MEI4: variants seen among roughly 807,000 people sequenced by gnomAD.
MEI4 encodes the protein meiotic double-stranded break formation protein 4.
In MEI4, 27 loss-of-function variants were observed where a neutral mutation model predicts 31.4. The ratio of observed to expected loss-of-function variants is 0.86; its 90% CI spans 0.63 to 1.19. MEI4 has a LOEUF of 1.19. MEI4 is among the 50% of genes most tolerant of loss of function. The pLI is 0.00. For missense variants in MEI4, 329 were observed against 398.9 expected (o/e 0.82, Z 1.49); for synonymous variants, 122 against 145.4 (o/e 0.84, Z 1.16).
intron 4 of MEI4, among the ~76,000 whole-genome samples, chr6:77,861,652 A>G (rs190201127): frequency 2.0e-5 from 3 of 152,286 alleles, no homozygotes; most frequent in Admixed American, 1.3e-4. Flanking sequence ...ATATTCATAC[A>G]AGTTTGAGTT....
chr6:77,743,275 T>C (rs944360066), intron 2 of MEI4, among the ~76,000 whole-genome samples: 5 of 152,166 alleles, frequency 3.3e-5, no homozygotes, highest in Non-Finnish European at 2.9e-5. Context: ...CTTCCATTTG[T>C]TTGTATCCTC....
intron 3 of MEI4, among the ~76,000 whole-genome samples, chr6:77,769,750 G>T (rs995954636): frequency 2.0e-5 from 3 of 152,130 alleles, no homozygotes; most frequent in Non-Finnish European, 4.4e-5. Context: ...CCATGGGCCA[G>T]AAGGGAACCC....
Position 77,828,980 on chromosome 6 carries a change from G to A in MEI4, c.818G>A (p.Cys273Tyr). 1 of 1,232,164 alleles carries A rather than the reference G, an allele frequency of 8.1e-7. No individual in the cohort carries two copies. Among genetic ancestry groups the A allele is most frequent in the Non-Finnish European group, 1.0e-6 (1 of 987,872 alleles). 76.3% of individuals were successfully genotyped at this position (1,232,164 alleles called of 1,614,324 possible). A position where few individuals can be genotyped will look rare whatever the true frequency, so the allele number is the denominator to read the frequency against. Residue 273 changes from cysteine (C) to tyrosine (Y), a missense_variant, in exon 4 of 5, where the codon TGC becomes TAC. Transcript: ENST00000684080. ...CAGAGTCTGGTTACCTTGGGAAATT[G>A]CAGCTTGTTGAGAAAATCTATTATA... ...VSQSLVTLGN[C>Y]SLLRKSIISL...
chr6:77,863,096 ACAGGTAGAT>A (rs139111812), intron 4 of MEI4, among the ~76,000 whole-genome samples: 80,129 of 151,292 alleles, frequency 0.53, 22,992 homozygotes, highest in East Asian at 0.75. Flanking sequence ...ATCAAACACC[ACAGGTAGAT>A]CAGGTAGATA....
At chr6:77,876,879 C>A (rs1305580343) in intron 4 of MEI4, among the ~76,000 whole-genome samples, 1 of 150,386 alleles carries the variant, frequency 6.6e-6, no homozygotes, top group Non-Finnish European at 1.5e-5. Context: ...ATTAGAAAGA[C>A]AAATAGAAAA....
At chr6:77,802,011 T>G (rs1769276767) in intron 3 of MEI4, among the ~76,000 whole-genome samples, 1 of 152,194 alleles carries the variant, frequency 6.6e-6, no homozygotes, top group Admixed American at 6.5e-5. Flanking sequence ...CTGAGTTCAG[T>G]TCCTGGATAT....
chr6:77,788,212 C>A (rs1768803093), intron 3 of MEI4, among the ~76,000 whole-genome samples: 1 of 152,112 alleles, frequency 6.6e-6, no homozygotes, highest in Non-Finnish European at 1.5e-5. Context: ...GCACTTCATG[C>A]TAAAAACTCT....
intron 2 of MEI4, among the ~76,000 whole-genome samples, chr6:77,748,033 C>G (rs62418032): frequency 6.6e-6 from 1 of 152,162 alleles, no homozygotes; most frequent in African/African-American, 2.4e-5. Context: ...TCTGCTGATG[C>G]AAGGGGTGCC....
intron 2 of MEI4, among the ~76,000 whole-genome samples, chr6:77,699,345 A>T (rs1766148208): frequency 6.6e-6 from 1 of 151,336 alleles, no homozygotes; most frequent in Admixed American, 6.6e-5. Flanking sequence ...GCCTGCCACT[A>T]CGCCCGGCTA....
chr6:77,843,057 C>A (rs111971203), intron 4 of MEI4, among the ~76,000 whole-genome samples: 11 of 147,498 alleles, frequency 7.5e-5, no homozygotes, highest in African/African-American at 2.8e-4. Context: ...GAGCACTTGA[C>A]AACTCATTTT....
intron 2 of MEI4, among the ~76,000 whole-genome samples, chr6:77,730,123 A>C (rs752825925): frequency 2.0e-5 from 3 of 152,110 alleles, no homozygotes; most frequent in African/African-American, 7.2e-5. Context: ...TGAGATCTCA[A>C]TGGGAAAGGT....
chr6:77,789,244 A>G (rs1768842923), intron 3 of MEI4, among the ~76,000 whole-genome samples: 1 of 152,196 alleles, frequency 6.6e-6, no homozygotes, highest in Non-Finnish European at 1.5e-5. Context: ...CACCTTATAC[A>G]AAAATCAATT....
intron 3 of MEI4, among the ~76,000 whole-genome samples, chr6:77,803,343 C>G (rs893507106): frequency 6.6e-6 from 1 of 152,158 alleles, no homozygotes; most frequent in Non-Finnish European, 1.5e-5. Context: ...AAGGACTTCT[C>G]TGCATTGGTT....
chr6:77,907,675 A>G (rs1174775506), intron 4 of MEI4, among the ~76,000 whole-genome samples: 3 of 152,126 alleles, frequency 2.0e-5, no homozygotes, highest in African/African-American at 7.2e-5. Context: ...GCTGGGTCAA[A>G]TGGTATTTCT....
intron 2 of MEI4, among the ~76,000 whole-genome samples, chr6:77,743,534 G>T (rs756721800): frequency 6.6e-6 from 1 of 152,086 alleles, no homozygotes; most frequent in Non-Finnish European, 1.5e-5. Flanking sequence ...GAGATGACGG[G>T]GTTTTCTAGA....
chr6:77,729,241 G>A (rs1766908498), intron 2 of MEI4, among the ~76,000 whole-genome samples: 1 of 152,172 alleles, frequency 6.6e-6, no homozygotes, highest in Non-Finnish European at 1.5e-5. Flanking sequence ...ACCCATTTAT[G>A]CCTAGTGTCC....
chr6:77,722,743 T>TA (rs1391919630), intron 2 of MEI4, among the ~76,000 whole-genome samples: 2 of 126,408 alleles, frequency 1.6e-5, no homozygotes, highest in African/African-American at 6.2e-5. Context: ...CATACTTTGA[T>TA]ACACTTCTGA....
chr6:77,740,579 C>T (rs1767373964), intron 2 of MEI4, among the ~76,000 whole-genome samples: 1 of 152,064 alleles, frequency 6.6e-6, no homozygotes, highest in African/African-American at 2.4e-5. Flanking sequence ...ATAGCATTTC[C>T]TGTTTGACCA....
At chr6:77,654,912 AT>A (rs1342633165) in intron 1 of MEI4, among the ~76,000 whole-genome samples, 2 of 151,786 alleles carry the variant, frequency 1.3e-5, no homozygotes, top group African/African-American at 4.8e-5. Flanking sequence ...TTTAGTTTTT[AT>A]TTTTATTTTT....
Sources: gnomAD v4.1 joint callset for allele counts (sites outside exome capture counted in the v4.1 genomes callset) on GRCh38, gnomAD v4.1.1 for gene constraint, MANE v1.5 for transcripts, NCBI Gene and HGNC (gene_info 2026-07-23, HGNC 2026-07-21) for gene names.